CHODL: variants seen among roughly 807,000 people sequenced by gnomAD.
CHODL encodes transmembrane protein MT75.
Under a neutral mutation model 34.5 loss-of-function variants are expected in CHODL, and 29 were observed. The ratio of observed to expected loss-of-function variants is 0.84; its 90% CI spans 0.63 to 1.15. The LOEUF is 1.15. Ranked by LOEUF, CHODL falls within the 50% of genes most tolerant of loss-of-function variation. The probability of loss-of-function intolerance (pLI) is 0.00; values close to 1 mark genes in which losing one functional copy is unlikely to be tolerated. For missense variants in CHODL, 332 were observed against 332.5 expected, an observed-to-expected ratio of 1.00 and a Z score of 0.01; for synonymous variants, 125 against 116.1, an observed-to-expected ratio of 1.08 and a Z score of -0.49.
At chr21:17,968,249 G>T (rs1013080683) in intron 1 of CHODL, among the ~76,000 whole-genome samples, 12 of 152,254 alleles carry the variant, frequency 7.9e-5, no homozygotes, top group African/African-American at 2.9e-4. Context: ...TCAGTTTCCT[G>T]TTACTAAAAG....
At chr21:18,035,719 A>C (rs2064301033) in intron 2 of CHODL, among the ~76,000 whole-genome samples, 1 of 152,014 alleles carries the variant, frequency 6.6e-6, no homozygotes, top group African/African-American at 2.4e-5. Context: ...TCAAAACCTA[A>C]TCTGCTATTA....
intron 2 of CHODL, among the ~76,000 whole-genome samples, chr21:18,064,234 G>A (rs146727639): frequency 5.8e-4 from 86 of 149,364 alleles, no homozygotes; most frequent in Middle Eastern, 3.6e-3. Flanking sequence ...CATTTCAATT[G>A]TGTCATACCC....
intron 1 of CHODL, among the ~76,000 whole-genome samples, chr21:17,947,532 A>AACACACACACAC (rs1003512511): frequency 2.8e-5 from 3 of 106,844 alleles, no homozygotes; most frequent in African/African-American, 1.0e-4. Flanking sequence ...CCTAATAAGA[A>AACACACACACAC]ACACACACAC....
chr21:18,144,593 C>A (rs983222918), intron 2 of CHODL, among the ~76,000 whole-genome samples: 1 of 152,142 alleles, frequency 6.6e-6, no homozygotes, highest in African/African-American at 2.4e-5. Context: ...CTTACTGATT[C>A]CATCATACGA....
chr21:18,242,802 T>G (rs964089624), upstream of CHODL, among the ~76,000 whole-genome samples: 1 of 152,170 alleles, frequency 6.6e-6, no homozygotes. Flanking sequence ...ATACAGTTAT[T>G]ATTATAGTTT....
chr21:17,986,704 G>A (rs138014803), intron 1 of CHODL, among the ~76,000 whole-genome samples: 161 of 152,272 alleles, frequency 1.1e-3, no homozygotes, highest in African/African-American at 3.6e-3. Flanking sequence ...TGATCAAATG[G>A]TATTTCTAGT....
At chr21:17,990,819 A>C (rs1304851247) in intron 1 of CHODL, among the ~76,000 whole-genome samples, 1 of 152,124 alleles carries the variant, frequency 6.6e-6, no homozygotes, top group Non-Finnish European at 1.5e-5. Flanking sequence ...TGTTGGTTAC[A>C]ATTTAAAATG....
At chr21:18,086,014 G>A (rs1032646206) in intron 2 of CHODL, among the ~76,000 whole-genome samples, 1 of 120,660 alleles carries the variant, frequency 8.3e-6, no homozygotes, top group African/African-American at 3.1e-5. Context: ...TGTTTTATGT[G>A]ATTCCAGATG....
rs138262954 is a variant in CHODL at position 18,226,731 on chromosome 21, T to A, written c.-44-29778T>A. Among the ~76,000 whole-genome samples, 728 of 152,272 alleles carry A rather than the reference T, an allele frequency of 4.8e-3. 9 individuals carry two copies. The highest frequency in any genetic ancestry group is 0.016 in the African/African-American group (650 of 41,568). The stretch of plus-strand genomic sequence containing the variant: ...ATAATCACAGCCCTCTAGAACATCA[T>A]GTTTTCTGTCATTTTGAATAAAGTA... On this transcript the variant is annotated intron_variant, in intron 2 of 6. Coordinates refer to the CHODL transcript ENST00000400127.
intron 1 of CHODL, among the ~76,000 whole-genome samples, chr21:17,936,696 G>A (rs2063321720): frequency 6.6e-6 from 1 of 152,190 alleles, no homozygotes; most frequent in Non-Finnish European, 1.5e-5. Flanking sequence ...GAGTTCTAAG[G>A]TCCACAGAAA....
At chr21:17,929,391 G>A (rs1268716654) in intron 1 of CHODL, among the ~76,000 whole-genome samples, 1 of 152,212 alleles carries the variant, frequency 6.6e-6, no homozygotes, top group Non-Finnish European at 1.5e-5. Flanking sequence ...GGTTCAAGAT[G>A]GCTGACTAGA....
chr21:18,023,176 G>A (rs1477645867), intron 1 of CHODL, among the ~76,000 whole-genome samples: 2 of 152,122 alleles, frequency 1.3e-5, no homozygotes, highest in Non-Finnish European at 2.9e-5. Context: ...ATACAGGTGG[G>A]TCTGATTGCT....
At chr21:18,194,619 A>C (rs1488754376) in intron 2 of CHODL, among the ~76,000 whole-genome samples, 1 of 145,530 alleles carries the variant, frequency 6.9e-6, no homozygotes, top group Admixed American at 6.9e-5. Flanking sequence ...AAAAAAAAAA[A>C]CTAATGCGTA....
intron 1 of CHODL, among the ~76,000 whole-genome samples, chr21:17,984,769 T>C (rs2063740309): frequency 2.0e-5 from 3 of 152,146 alleles, no homozygotes; most frequent in Non-Finnish European, 4.4e-5. Flanking sequence ...CTTTAATTGA[T>C]TTGTAATTTG....
At chr21:18,227,028 C>A (rs928566767) in intron 2 of CHODL, among the ~76,000 whole-genome samples, 2 of 152,088 alleles carry the variant, frequency 1.3e-5, no homozygotes, top group Non-Finnish European at 2.9e-5. Context: ...AGTCCATGAC[C>A]AAGGCTCCTG....
chr21:17,987,250 T>C (rs2063760680), intron 1 of CHODL, among the ~76,000 whole-genome samples: 1 of 152,208 alleles, frequency 6.6e-6, no homozygotes, highest in Admixed American at 6.5e-5. Context: ...ACAGGGTTTC[T>C]ACCACAGATA....
chr21:18,082,317 A>T (rs1263110875), intron 2 of CHODL, among the ~76,000 whole-genome samples: 2 of 152,144 alleles, frequency 1.3e-5, no homozygotes, highest in Non-Finnish European at 2.9e-5. Flanking sequence ...AGCCTGTGGA[A>T]CTGTGAGTCA....
chr21:18,152,013 TGTG>T (rs2072975862), intron 2 of CHODL, among the ~76,000 whole-genome samples: 1 of 151,906 alleles, frequency 6.6e-6, no homozygotes, highest in Admixed American at 6.6e-5. Context: ...TGTGTGTGTG[TGTG>T]TGTGTGTGTT....
At chr21:18,204,272 T>TG (rs2073687937) in intron 2 of CHODL, among the ~76,000 whole-genome samples, 1 of 152,154 alleles carries the variant, frequency 6.6e-6, no homozygotes, top group South Asian at 2.1e-4. Context: ...ATCAGCTTAT[T>TG]GAAAATATCT....
Sources: allele counts gnomAD v4.1 joint callset (sites outside exome capture counted in the v4.1 genomes callset), GRCh38; gene constraint gnomAD v4.1.1; transcripts MANE v1.5; gene names NCBI Gene and HGNC (gene_info 2026-07-23, HGNC 2026-07-21).